The following MSRA variants were observed in gnomAD, a reference collection of about 807,000 sequenced individuals.
The protein encoded by MSRA is methionine sulfoxide reductase A, also known as mitochondrial peptide methionine sulfoxide reductase.
A neutral mutation model predicts 31.3 loss-of-function variants in MSRA; 54 were observed. The ratio of observed to expected loss-of-function variants is 1.73; its 90% confidence interval spans 1.39 to 2.17. The LOEUF (loss-of-function observed/expected upper bound fraction) is 2.17. Among genes scored for constraint, MSRA ranks in the 30% most tolerant of loss-of-function variants. MSRA has a pLI of 0.00. For synonymous variants in MSRA, 169 were observed against 116.5 expected (o/e 1.45, Z -2.90); for missense variants, 507 against 300.9 (o/e 1.69, Z -5.07).
chr8:10,140,265 C>A (rs1802595651), intron 1 of MSRA, among the ~76,000 whole-genome samples: 1 of 152,238 alleles, frequency 6.6e-6, no homozygotes, highest in Non-Finnish European at 1.5e-5. Context: ...ACAGGGAGGG[C>A]ACTTCACCAA....
chr8:10,314,372 T>A (rs191159831), intron 4 of MSRA, among the ~76,000 whole-genome samples: 1 of 152,252 alleles, frequency 6.6e-6, no homozygotes, highest in East Asian at 1.9e-4. Flanking sequence ...GGCAAAGGAC[T>A]TGAATTGTGG....
At chr8:10,057,378 T>TG (rs1236923355) in intron 1 of MSRA, among the ~76,000 whole-genome samples, 2 of 152,182 alleles carry the variant, frequency 1.3e-5, no homozygotes, top group Non-Finnish European at 2.9e-5. Flanking sequence ...TCATACTTGT[T>TG]GAAGTGTATT....
At chr8:10,395,860 T>A (rs1460086838) in intron 5 of MSRA, among the ~76,000 whole-genome samples, 1 of 152,138 alleles carries the variant, frequency 6.6e-6, no homozygotes, top group Non-Finnish European at 1.5e-5. Flanking sequence ...AAAATGGTGC[T>A]CCTAGGCACA....
chr8:10,077,694 C>T (rs975618690), intron 1 of MSRA, among the ~76,000 whole-genome samples: 6 of 151,956 alleles, frequency 3.9e-5, no homozygotes, highest in African/African-American at 7.3e-5. Flanking sequence ...TTCCCTCCCT[C>T]GCTCGCTTTC....
intron 5 of MSRA, among the ~76,000 whole-genome samples, chr8:10,323,512 C>T (rs1802176703): frequency 1.3e-5 from 2 of 152,100 alleles, no homozygotes; most frequent in South Asian, 2.1e-4. Flanking sequence ...ACCGAATTTT[C>T]CAGTTTCTAT....
At chr8:10,371,138 G>C (rs942830971) in intron 5 of MSRA, among the ~76,000 whole-genome samples, 6 of 152,160 alleles carry the variant, frequency 3.9e-5, no homozygotes, top group Admixed American at 2.6e-4. Flanking sequence ...TAGATGATTA[G>C]GGAAAAGCTT....
chr8:10,389,252 G>C (rs1479864412), intron 5 of MSRA, among the ~76,000 whole-genome samples: 3 of 152,152 alleles, frequency 2.0e-5, no homozygotes, highest in Non-Finnish European at 4.4e-5. Flanking sequence ...GCTGTAGCCA[G>C]GCTTGAGAAC....
chr8:10,222,131 A>C lies in MSRA; in HGVS notation c.211+14230A>C, dbSNP rs577058334. 1.9e-3 allele frequency among the ~76,000 whole-genome samples: 294 copies of C among 151,518 alleles called. 3 individuals carry two copies. The highest frequency in any genetic ancestry group is 6.5e-3 in the African/African-American group (269 of 41,274). ...GTGCTCTGTTGAAGATGGCATATTT[A>C]GGTTGGTGAGAGATGCAGCAGGAAT... On this transcript the variant is annotated intron_variant, in intron 2 of 5. Transcript: ENST00000317173.
intron 5 of MSRA, among the ~76,000 whole-genome samples, chr8:10,384,912 G>A (rs1325835168): frequency 6.6e-6 from 1 of 152,096 alleles, no homozygotes; most frequent in Non-Finnish European, 1.5e-5. Flanking sequence ...TGAGCCAGAA[G>A]GATCACTTGA....
intron 3 of MSRA, among the ~76,000 whole-genome samples, chr8:10,282,214 G>A (rs1799660513): frequency 6.6e-6 from 1 of 152,198 alleles, no homozygotes; most frequent in Non-Finnish European, 1.5e-5. Flanking sequence ...AGCCTCTACA[G>A]TAAGTGCCTG....
chr8:10,252,405 G>T lies in MSRA; in HGVS notation c.331+7182G>T, dbSNP rs74822129. Reference sequence around the variant, plus strand: ...CATTTGGTTCCTGTTTATGATTTCTGTTAGGCTGGATTTTTTCACCAGTAT... The same window carrying T: ...CATTTGGTTCCTGTTTATGATTTCTTTTAGGCTGGATTTTTTCACCAGTAT... On this transcript the variant is annotated intron_variant, in intron 3 of 5. Transcript: ENST00000317173. Among the ~76,000 whole-genome samples, 537 of 152,276 alleles carry T rather than the reference G, an allele frequency of 3.5e-3. 4 individuals are homozygous for T. The highest frequency in any genetic ancestry group is 0.013 in the African/African-American group (528 of 41,560).
chr8:10,329,488 C>A (rs1468076563), intron 5 of MSRA, among the ~76,000 whole-genome samples: 5 of 152,234 alleles, frequency 3.3e-5, no homozygotes, highest in Non-Finnish European at 5.9e-5. Flanking sequence ...CCCACCCAAA[C>A]AATCAAGAAT....
chr8:10,413,700 C>T (rs1013504629), intron 5 of MSRA, among the ~76,000 whole-genome samples: 2 of 138,432 alleles, frequency 1.4e-5, no homozygotes, highest in Non-Finnish European at 3.1e-5. Flanking sequence ...TTCAAAGATA[C>T]AATAACTTTT....
intron 1 of MSRA, among the ~76,000 whole-genome samples, chr8:10,126,124 G>T (rs1328719794): frequency 6.6e-6 from 1 of 152,150 alleles, no homozygotes; most frequent in Non-Finnish European, 1.5e-5. Flanking sequence ...AAAAATTCAA[G>T]GTTCTTCTAA....
intron 5 of MSRA, among the ~76,000 whole-genome samples, chr8:10,368,009 T>A (rs1249917490): frequency 4.0e-5 from 6 of 151,166 alleles, no homozygotes; most frequent in Non-Finnish European, 5.9e-5. Flanking sequence ...TCAGGAAGGG[T>A]TTCCAAGCAA....
chr8:10,106,205 C>A (rs1470676191), intron 1 of MSRA, among the ~76,000 whole-genome samples: 11 of 152,170 alleles, frequency 7.2e-5, no homozygotes, highest in Admixed American at 3.9e-4. Context: ...ATGGTTCTCA[C>A]AGACTTGACT....
At chr8:10,341,993 T>G (rs1331256754) in intron 5 of MSRA, among the ~76,000 whole-genome samples, 1 of 152,140 alleles carries the variant, frequency 6.6e-6, no homozygotes, top group African/African-American at 2.4e-5. Context: ...AGCCCAAGGT[T>G]AGGGGCTTTG....
chr8:10,178,421 C>G (rs746406625), intron 1 of MSRA, among the ~76,000 whole-genome samples: 1 of 151,796 alleles, frequency 6.6e-6, no homozygotes, highest in Non-Finnish European at 1.5e-5. Flanking sequence ...GAGACCCTGT[C>G]TCTACTTGAA....
chr8:10,251,861 T>TC (rs750635195), intron 3 of MSRA, among the ~76,000 whole-genome samples: 2 of 140,086 alleles, frequency 1.4e-5, no homozygotes, highest in East Asian at 2.1e-4. Context: ...GTTGACATGG[T>TC]GGGGGGGGGG....
Sources: gnomAD v4.1 joint callset for allele counts (sites outside exome capture counted in the v4.1 genomes callset) on GRCh38, gnomAD v4.1.1 for gene constraint, MANE v1.5 for transcripts, NCBI Gene and HGNC (gene_info 2026-07-23, HGNC 2026-07-21) for gene names.